Variants in UBN2 observed in about 807,000 individuals in gnomAD.
UBN2 encodes ubinuclein-2.
UBN2 carries 35 observed loss-of-function variants against 120.2 expected under a neutral mutation model. The observed-to-expected ratio is 0.29, with a 90% CI of 0.22 to 0.39. The LOEUF (loss-of-function observed/expected upper bound fraction) is 0.39, where lower values mean the gene tolerates loss of function less well. Among genes scored for constraint, UBN2 ranks in the 10% least tolerant of loss-of-function variants. The probability of loss-of-function intolerance (pLI) is 1.00; values close to 1 mark genes in which losing one functional copy is unlikely to be tolerated. For synonymous variants in UBN2, 661 were observed against 648.7 expected, an observed-to-expected ratio of 1.02 and a Z score of -0.29; for missense variants, 1,693 against 1,663.2, an observed-to-expected ratio of 1.02 and a Z score of -0.31.
chr7:139,296,141 C>G (rs1158332329), intron 17 of UBN2, among the ~76,000 whole-genome samples: 1 of 152,154 alleles, frequency 6.6e-6, no homozygotes, highest in East Asian at 1.9e-4. Flanking sequence ...AAGCTTCTAG[C>G]TTGGCACCTG....
intron 2 of UBN2, among the ~76,000 whole-genome samples, chr7:139,249,849 C>G (rs1396968958): frequency 6.6e-6 from 1 of 151,904 alleles, no homozygotes; most frequent in Non-Finnish European, 1.5e-5. Flanking sequence ...AGGCAACATG[C>G]CACCATGCCT....
At chr7:139,257,235 T>TTGGG (rs1796787952) in intron 3 of UBN2, among the ~76,000 whole-genome samples, 1 of 152,176 alleles carries the variant, frequency 6.6e-6, no homozygotes, top group Non-Finnish European at 1.5e-5. Context: ...GATCTAGCCT[T>TTGGG]TGGGAACATA....
At chr7:139,251,701 T>C (rs1310620494) in intron 2 of UBN2, among the ~76,000 whole-genome samples, 3 of 152,232 alleles carry the variant, frequency 2.0e-5, no homozygotes, top group Admixed American at 2.0e-4. Flanking sequence ...TGTATCCCTG[T>C]TGACGTTGAC....
At chr7:139,317,910 G>A in the UBN2 span, among the ~76,000 whole-genome samples, 1 of 152,118 alleles carries the variant, frequency 6.6e-6, no homozygotes, top group Non-Finnish European at 1.5e-5. Context: ...TGACCCACCC[G>A]CCTTGGCCTC....
At position 139,283,645 on chromosome 7, in the gene UBN2, A is replaced by G. The variant is rs1371636635; in HGVS notation, c.2740A>G (p.Thr914Ala). 10 of 1,614,040 alleles carry G rather than the reference A, an allele frequency of 6.2e-6. No homozygotes were observed. The African/African-American group carries it at 1.3e-4, about 22-fold the overall frequency. ...TGCTGCCTCTTCTCATGCTCTGGGA[A>G]CATCCGAGGCCCAAGATGCTTCTTC... ...QIAASSHALG[T>A]SEAQDASSLT... Residue 914 changes from threonine to alanine, a missense_variant, in exon 15 of 18, where the codon ACA becomes GCA. Physicochemically the swap from Thr to Ala is moderately conservative, Grantham distance 58. Transcript: ENST00000473989.
chr7:139,325,763 G>T, the UBN2 span, among the ~76,000 whole-genome samples: 2 of 152,196 alleles, frequency 1.3e-5, no homozygotes, highest in African/African-American at 2.4e-5. Flanking sequence ...GGCCCTCGGA[G>T]TCTGTCCCCA....
rs919518209 is a variant in UBN2, at chr7:139,271,147, G to A, written c.1597-1175G>A. Among the ~76,000 whole-genome samples, 149 of 152,214 alleles carry A rather than the reference G, an allele frequency of 9.8e-4. 2 individuals carry two copies. The highest frequency in any genetic ancestry group is 2.0e-4 in the Admixed American group (3 of 15,298). On this transcript the variant is annotated intron_variant, in intron 8 of 17. Coordinates refer to ENST00000473989, the MANE Select transcript of UBN2 (RefSeq NM_173569.4). The stretch of plus-strand genomic sequence containing the variant: ...CTATAATATTTATTTACTGGTGTTC[G>A]TGGAATAGGTTAATATACACATTTT...
At chr7:139,236,975 CTCTT>C in intron 1 of UBN2, 26 bp from the exon 2 acceptor site, 1 of 1,444,668 alleles carries the variant, frequency 6.9e-7, no homozygotes, top group Non-Finnish European at 9.6e-7. Context: ...ATGGATACTT[CTCTT>C]TCTTTTCCCA....
At chr7:139,310,773 A>G (rs1798436934), downstream of UBN2, among the ~76,000 whole-genome samples, 1 of 152,204 alleles carries the variant, frequency 6.6e-6, no homozygotes, top group African/African-American at 2.4e-5. Context: ...ACGCCGTCTC[A>G]AAAATAAATA....
downstream of UBN2, among the ~76,000 whole-genome samples, chr7:139,308,722 G>A (rs1010059184): frequency 2.0e-5 from 3 of 152,132 alleles, no homozygotes; most frequent in African/African-American, 7.2e-5. Flanking sequence ...GTGCTACTAC[G>A]GTCAGGACTT....
At chr7:139,324,826 C>G in the UBN2 span, among the ~76,000 whole-genome samples, 2 of 151,910 alleles carry the variant, frequency 1.3e-5, no homozygotes, top group Admixed American at 6.6e-5. Flanking sequence ...CAAAAATTAG[C>G]CCGGTGCAGT....
At chr7:139,285,861 G>A (rs1797771231) in intron 15 of UBN2, among the ~76,000 whole-genome samples, 1 of 151,888 alleles carries the variant, frequency 6.6e-6, no homozygotes, top group Admixed American at 6.6e-5. Context: ...TCCTGCCTTA[G>A]GCTCCCGAGT....
Position 139,231,836 on chromosome 7 carries a change from C to A in UBN2, c.352C>A (p.Gln118Lys), listed in dbSNP as rs758212817. Reference sequence around the variant, plus strand: ...GCGGGAGTCGGCTTCCCGGGCTGAGCAGCCGCCGCGGCCGCCGAGGGAGAC... The same window carrying A: ...GCGGGAGTCGGCTTCCCGGGCTGAGAAGCCGCCGCGGCCGCCGAGGGAGAC... ...PPRESASRAE[Q>K]PPRPPRETVR... The change falls in exon 1 of 18, where the codon CAG becomes AAG. Residue 118 changes from glutamine (Q) to lysine (K), a missense_variant. Physicochemically the swap from Gln to Lys is moderately conservative, Grantham distance 53 (BLOSUM62 1). This residue lies in a region of UBN2 where 663 missense variants were observed against 591.2 expected (regional missense o/e 1.12). Transcript: ENST00000473989. The A allele has an allele frequency of 1.4e-5, 22 of 1,529,242 alleles. No homozygotes were observed. Among genetic ancestry groups the A allele is most frequent in the Non-Finnish European group, 1.9e-5 (22 of 1,145,148 alleles). 94.7% of individuals were successfully genotyped at this position (1,529,242 alleles called of 1,614,324 possible). A position where few individuals can be genotyped will look rare whatever the true frequency, so the allele number is the denominator to read the frequency against.
At chr7:139,252,254 G>A (rs1412594696) in intron 3 of UBN2, among the ~76,000 whole-genome samples, 197 bp downstream of exon 3, 2 of 149,486 alleles carry the variant, frequency 1.3e-5, no homozygotes, top group Admixed American at 6.7e-5. Context: ...GTAATTTTGG[G>A]TTTGTCTGTG....
chr7:139,273,433 T>A, intron 10 of UBN2, 23 bp downstream of exon 10: 1 of 1,465,002 alleles, frequency 6.8e-7, no homozygotes, highest in Non-Finnish European at 9.3e-7. Context: ...TAGTTTTCAC[T>A]TTTAATATAT....
At chr7:139,254,826 G>A (rs982784794) in intron 3 of UBN2, among the ~76,000 whole-genome samples, 1 of 152,158 alleles carries the variant, frequency 6.6e-6, no homozygotes, top group Non-Finnish European at 1.5e-5. Context: ...GCAAAACTGA[G>A]CAGAAAGTAC....
At chr7:139,282,741 C>G (rs964791817) in intron 14 of UBN2, among the ~76,000 whole-genome samples, 4 of 152,096 alleles carry the variant, frequency 2.6e-5, no homozygotes, top group African/African-American at 9.7e-5. Flanking sequence ...AGATCTAATG[C>G]AGGTGGGGGA....
At chr7:139,276,636 TC>T (rs1196472444) in intron 12 of UBN2, 1 of 157,078 alleles carries the variant, frequency 6.4e-6, no homozygotes, top group Non-Finnish European at 1.4e-5. Context: ...AGATCTTTTA[TC>T]CCCTCCACAT....
chr7:139,235,509 C>A lies in UBN2; in HGVS notation c.469-1496C>A, dbSNP rs10435436. On this transcript the variant is annotated intron_variant, in intron 1 of 17. Coordinates refer to ENST00000473989, the MANE Select transcript of UBN2 (RefSeq NM_173569.4). ...GCAACTTCCACCTCCCAGGTTCAAG[C>A]GATTCTCCTGTCTCAGCCTCCCGAG... Among the ~76,000 whole-genome samples, 466 of 152,224 alleles carry A rather than the reference C, an allele frequency of 3.1e-3. 6 individuals carry two copies. In the East Asian group the frequency reaches 0.038, roughly 12 times the overall value.
Sources: gnomAD v4.1 joint callset for allele counts (sites outside exome capture counted in the v4.1 genomes callset) on GRCh38, gnomAD v4.1.1 for gene constraint, gnomAD v4.1.1 regional missense constraint, MANE v1.5 for transcripts, NCBI Gene and HGNC (gene_info 2026-07-23, HGNC 2026-07-21) for gene names.